LEKR1: variants seen among roughly 807,000 people sequenced by gnomAD.
LEKR1 encodes protein LEKR1.
A neutral mutation model predicts 72.4 loss-of-function variants in LEKR1; 59 were observed. The observed-to-expected ratio is 0.82, with a 90% CI of 0.66 to 1.01. The LOEUF (loss-of-function observed/expected upper bound fraction) is 1.01, where lower values mean the gene tolerates loss of function less well. Among genes scored for constraint, LEKR1 ranks in the 50% least tolerant of loss-of-function variants. LEKR1 has a pLI of 0.00. For synonymous variants in LEKR1, 257 were observed against 263.2 expected (o/e 0.98, Z 0.23); for missense variants, 728 against 759.2 (o/e 0.96, Z 0.48).
chr3:156,929,934 T>C (rs1725052812), intron 5 of LEKR1, among the ~76,000 whole-genome samples: 1 of 152,186 alleles, frequency 6.6e-6, no homozygotes, highest in African/African-American at 2.4e-5. Flanking sequence ...GATTGACTTT[T>C]TTGACATTGG....
intron 12 of LEKR1, among the ~76,000 whole-genome samples, chr3:157,037,912 G>A (rs1316723313): frequency 1.3e-5 from 2 of 152,166 alleles, no homozygotes; most frequent in African/African-American, 4.8e-5. Context: ...GAACCTTAAA[G>A]AAGCCACAAG....
At chr3:156,933,075 AGT>A (rs1725395541) in intron 5 of LEKR1, among the ~76,000 whole-genome samples, 1 of 152,086 alleles carries the variant, frequency 6.6e-6, no homozygotes, top group Admixed American at 6.6e-5. Flanking sequence ...AGACACTGAG[AGT>A]GTGCTAGTCG....
chr3:156,864,177 C>T (rs1717065890), intron 3 of LEKR1, among the ~76,000 whole-genome samples: 1 of 152,000 alleles, frequency 6.6e-6, no homozygotes, highest in Non-Finnish European at 1.5e-5. Flanking sequence ...GCTGATGCCT[C>T]TACCTTCTCT....
intron 3 of LEKR1, among the ~76,000 whole-genome samples, chr3:156,896,585 A>G (rs1490629300): frequency 6.6e-6 from 1 of 152,200 alleles, no homozygotes; most frequent in East Asian, 1.9e-4. Context: ...AGGAAAGGGA[A>G]TGCTTATACA....
chr3:156,840,837 A>G (rs17440656), intron 2 of LEKR1, among the ~76,000 whole-genome samples: 4,849 of 152,340 alleles, frequency 0.032, 118 homozygotes, highest in Non-Finnish European at 0.048. Flanking sequence ...GGGTTCAGCT[A>G]TACTTGTACT....
intron 3 of LEKR1, among the ~76,000 whole-genome samples, chr3:156,872,955 T>A (rs975195332): frequency 6.6e-6 from 1 of 152,156 alleles, no homozygotes; most frequent in Admixed American, 6.5e-5. Flanking sequence ...ATCTGTTAGG[T>A]CCCTTTAGTT....
rs116674551 is a variant in LEKR1 at position 157,013,048 on chromosome 3, C to T, written c.1203+1542C>T. Among the ~76,000 whole-genome samples, 606 of 152,102 alleles carry T rather than the reference C, an allele frequency of 4.0e-3. 2 individuals are homozygous for T. Among genetic ancestry groups the T allele is most frequent in the African/African-American group, 0.013 (544 of 41,518 alleles). On this transcript the variant is annotated intron_variant, in intron 10 of 12. Coordinates refer to ENST00000356539, the MANE Select transcript of LEKR1 (RefSeq NM_001004316.3). ...GATCTAGTGAGATCGTCTCTCATAC[C>T]TACTCTTTAAGGGACTAGAAATTAA...
intron 6 of LEKR1, among the ~76,000 whole-genome samples, chr3:156,965,411 C>G (rs1728480546): frequency 6.6e-6 from 1 of 152,024 alleles, no homozygotes; most frequent in African/African-American, 2.4e-5. Context: ...AGTGTTGGTC[C>G]TTAATATTAG....
intron 4 of LEKR1, among the ~76,000 whole-genome samples, chr3:156,923,327 T>C (rs1367105540): frequency 6.6e-6 from 1 of 152,232 alleles, no homozygotes; most frequent in Non-Finnish European, 1.5e-5. Context: ...CATGCCATCT[T>C]CAATCAATCT....
chr3:156,978,766 G>C (rs1280245606), intron 6 of LEKR1, among the ~76,000 whole-genome samples: 2 of 152,228 alleles, frequency 1.3e-5, no homozygotes, highest in Non-Finnish European at 2.9e-5. Flanking sequence ...TGATTTGTCT[G>C]TTTTAGTTCT....
chr3:156,962,593 G>A (rs538534280), intron 6 of LEKR1, among the ~76,000 whole-genome samples: 6 of 152,278 alleles, frequency 3.9e-5, no homozygotes, highest in Non-Finnish European at 5.9e-5. Flanking sequence ...CACTGGAGTC[G>A]TCTAAGATTA....
At chr3:156,900,385 A>C (rs1341439933) in intron 3 of LEKR1, among the ~76,000 whole-genome samples, 2 of 152,206 alleles carry the variant, frequency 1.3e-5, no homozygotes, top group African/African-American at 4.8e-5. Flanking sequence ...ACCTAGGCAA[A>C]TCTTCATACC....
chr3:156,920,504 T>C, intron 3 of LEKR1, 71 bp from the exon 4 acceptor site: 1 of 878,866 alleles, frequency 1.1e-6, no homozygotes, highest in Non-Finnish European at 1.7e-6. Context: ...TAAAAGTAAG[T>C]ATATTTAAAT....
At chr3:157,027,736 C>T (rs1275872746) in intron 11 of LEKR1, among the ~76,000 whole-genome samples, 8 of 151,978 alleles carry the variant, frequency 5.3e-5, no homozygotes, top group Non-Finnish European at 7.4e-5. Context: ...ATCGTTTGAG[C>T]GCAGGAGGTC....
At chr3:157,006,002 T>C (rs1732394849) in intron 9 of LEKR1, among the ~76,000 whole-genome samples, 1 of 150,472 alleles carries the variant, frequency 6.6e-6, no homozygotes, top group African/African-American at 2.4e-5. Flanking sequence ...ACTATACATT[T>C]TTTTTTTTTT....
At chr3:156,988,223 C>A in intron 7 of LEKR1, 1 of 201,578 alleles carries the variant, frequency 5.0e-6, no homozygotes. Context: ...CACCAACAGA[C>A]AAAGGCCTCC....
intron 3 of LEKR1, among the ~76,000 whole-genome samples, chr3:156,905,377 G>T (rs958847277): frequency 1.3e-5 from 2 of 152,098 alleles, no homozygotes; most frequent in Admixed American, 6.6e-5. Flanking sequence ...AACTAAATTA[G>T]AATTCATAGG....
At chr3:156,897,407 G>A (rs908515056) in intron 3 of LEKR1, among the ~76,000 whole-genome samples, 1 of 152,048 alleles carries the variant, frequency 6.6e-6, no homozygotes, top group East Asian at 1.9e-4. Flanking sequence ...AGGAGGTCCT[G>A]AGAACATGTG....
intron 3 of LEKR1, among the ~76,000 whole-genome samples, chr3:156,884,491 C>T (rs768915260): frequency 3.9e-5 from 6 of 152,084 alleles, no homozygotes; most frequent in Non-Finnish European, 8.8e-5. Flanking sequence ...TAAATTCTCT[C>T]AGGATTTGTT....
Sources: allele counts gnomAD v4.1 joint callset (sites outside exome capture counted in the v4.1 genomes callset), GRCh38; gene constraint gnomAD v4.1.1; transcripts MANE v1.5; gene names NCBI Gene and HGNC (gene_info 2026-07-23, HGNC 2026-07-21).